EYS: variants seen among roughly 807,000 people sequenced by gnomAD.
EYS encodes the protein protein eyes shut homolog.
Under a neutral mutation model 282.1 loss-of-function variants are expected in EYS, and 250 were observed. That is an observed-to-expected ratio of 0.89 (90% CI 0.80 to 0.98). The LOEUF is 0.98. Ranked by LOEUF, EYS falls within the 50% of genes least tolerant of loss-of-function variation. EYS has a pLI of 0.00. For synonymous variants in EYS, 1,355 were observed against 1,282.9 expected, an observed-to-expected ratio of 1.06 and a Z score of -1.20; for missense variants, 4,016 against 3,709.0, an observed-to-expected ratio of 1.08 and a Z score of -2.15.
At chr6:65,328,640 T>C (rs548878268) in intron 11 of EYS, among the ~76,000 whole-genome samples, 1 of 151,078 alleles carries the variant, frequency 6.6e-6, no homozygotes, top group East Asian at 1.9e-4. Flanking sequence ...TTTTAAAATA[T>C]AAATGGGAAA....
In EYS at chr6:65,061,607, C is replaced by A. The variant is rs1773575387; in HGVS notation, c.2024-3880G>T. 2.0e-5 allele frequency among the ~76,000 whole-genome samples: 3 copies of A among 151,666 alleles called. No individual in the cohort carries two copies. In the South Asian group the frequency reaches 6.2e-4, roughly 31 times the overall value. On this transcript the variant is annotated intron_variant, in intron 12 of 42. Coordinates refer to ENST00000503581, the MANE Select transcript of EYS (RefSeq NM_001142800.2). ...CTAAATAATCATATTTTTTCTTCCTCATGTATTTCTAGGTCTATGTTTCAA... is the reference window on the plus strand; with the variant it reads ...CTAAATAATCATATTTTTTCTTCCTAATGTATTTCTAGGTCTATGTTTCAA...
At chr6:64,752,484 C>T (rs556376132) in intron 22 of EYS, among the ~76,000 whole-genome samples, 1 of 151,980 alleles carries the variant, frequency 6.6e-6, no homozygotes, top group Non-Finnish European at 1.5e-5. Flanking sequence ...AATATAAACA[C>T]TGCATTCAAA....
At chr6:65,517,481 G>A (rs866103524) in intron 2 of EYS, among the ~76,000 whole-genome samples, 3 of 151,808 alleles carry the variant, frequency 2.0e-5, no homozygotes, top group South Asian at 2.1e-4. Flanking sequence ...ATAAAATTAC[G>A]GTTGAAGCAA....
At chr6:64,685,162 A>G (rs1014382899) in intron 22 of EYS, among the ~76,000 whole-genome samples, 1 of 152,178 alleles carries the variant, frequency 6.6e-6, no homozygotes, top group Non-Finnish European at 1.5e-5. Flanking sequence ...AAGATGGGAA[A>G]CATTACCAGA....
intron 14 of EYS, 114 bp downstream of exon 14, chr6:64,997,468 A>G: frequency 2.2e-6 from 2 of 917,446 alleles, no homozygotes; most frequent in South Asian, 5.0e-5. Context: ...AGAAGTAAGC[A>G]TATGTAATAT....
intron 33 of EYS, among the ~76,000 whole-genome samples, chr6:64,002,830 G>A (rs966661967): frequency 5.9e-5 from 9 of 152,122 alleles, no homozygotes; most frequent in African/African-American, 1.4e-4. Flanking sequence ...GAGCCTCTGC[G>A]CCTGGCCTGA....
chr6:65,034,082 G>T (rs1772691827), intron 13 of EYS, among the ~76,000 whole-genome samples: 1 of 152,126 alleles, frequency 6.6e-6, no homozygotes, highest in Non-Finnish European at 1.5e-5. Context: ...TTCCCTGCTG[G>T]GTTTTGAACT....
chr6:63,893,566 G>C (rs887902439), intron 35 of EYS, among the ~76,000 whole-genome samples: 1 of 152,112 alleles, frequency 6.6e-6, no homozygotes, highest in Non-Finnish European at 1.5e-5. Flanking sequence ...TCATGCACCA[G>C]GGCCTGTTGG....
chr6:64,543,239 T>C (rs541306685), intron 26 of EYS, among the ~76,000 whole-genome samples: 4 of 152,228 alleles, frequency 2.6e-5, no homozygotes, highest in African/African-American at 7.2e-5. Flanking sequence ...TTTGACTGCT[T>C]AGGATAATCT....
In EYS at chr6:65,506,272, T is replaced by C. The variant is rs116677080; in HGVS notation, c.-332-10279A>G. 1.9e-3 allele frequency among the ~76,000 whole-genome samples: 289 copies of C among 152,148 alleles called. 1 individual carries two copies. Among genetic ancestry groups the C allele is most frequent in the African/African-American group, 6.7e-3 (280 of 41,550 alleles). On this transcript the variant is annotated intron_variant, in intron 2 of 42. Coordinates refer to ENST00000503581, the MANE Select transcript of EYS (RefSeq NM_001142800.2). Reference sequence around the variant, plus strand: ...TAGGTGGGTCTTGTTTATTTGTTTTTCTCCACTCTGATAAGCAATTTTTTT... The same window carrying C: ...TAGGTGGGTCTTGTTTATTTGTTTTCCTCCACTCTGATAAGCAATTTTTTT...
intron 24 of EYS, among the ~76,000 whole-genome samples, chr6:64,594,443 A>G (rs1332559806): frequency 6.6e-6 from 1 of 152,062 alleles, no homozygotes; most frequent in African/African-American, 2.4e-5. Context: ...TCGCAACCCA[A>G]ATGTCCAACA....
chr6:63,996,528 TTAAAG>T, intron 34 of EYS, among the ~76,000 whole-genome samples: 1 of 152,028 alleles, frequency 6.6e-6, no homozygotes, highest in South Asian at 2.1e-4. Context: ...ATCCCAGAAC[TTAAAG>T]TAAAAAAACA....
intron 26 of EYS, among the ~76,000 whole-genome samples, chr6:64,454,516 T>G (rs1450858405): frequency 1.3e-5 from 2 of 152,302 alleles, no homozygotes; most frequent in Admixed American, 6.5e-5. Context: ...GAGTTTGATC[T>G]GTGCAGGTCC....
In EYS at chr6:65,290,620, A is replaced by T. The variant is rs181077664; in HGVS notation, c.2023+5243T>A. On this transcript the variant is annotated intron_variant, in intron 12 of 42. Transcript: ENST00000503581. ...TTATTTAAAACATTTTAGAGTTTAG[A>T]GTCAGAAATACTTTCCATATCTTTG... Among the ~76,000 whole-genome samples the T allele has an allele frequency of 6.8e-3, 1,031 of 151,444 alleles. 18 individuals carry two copies. The highest frequency in any genetic ancestry group is 0.024 in the African/African-American group (991 of 41,482).
At chr6:65,495,773 A>G in intron 3 of EYS, 86 bp downstream of exon 3, 2 of 320,194 alleles carry the variant, frequency 6.2e-6, no homozygotes, top group South Asian at 6.6e-5. Context: ...AAACATGATC[A>G]AGATATGTTG....
intron 2 of EYS, among the ~76,000 whole-genome samples, chr6:65,585,708 T>G (rs927059663): frequency 6.6e-6 from 1 of 151,940 alleles, no homozygotes; most frequent in African/African-American, 2.4e-5. Flanking sequence ...ACTACATTTA[T>G]GTGACTGTAT....
chr6:65,633,473 C>T (rs1766988075), intron 2 of EYS, among the ~76,000 whole-genome samples: 1 of 152,192 alleles, frequency 6.6e-6, no homozygotes, highest in South Asian at 2.1e-4. Context: ...AATTCTCCCA[C>T]TAATCTGTAG....
At chr6:65,617,697 C>A in intron 2 of EYS, among the ~76,000 whole-genome samples, 1 of 113,786 alleles carries the variant, frequency 8.8e-6, no homozygotes, top group South Asian at 3.6e-4. Flanking sequence ...TGCTATCCCT[C>A]CCCCCTCCCC....
intron 28 of EYS, among the ~76,000 whole-genome samples, chr6:64,420,947 C>T (rs935499342): frequency 1.3e-5 from 2 of 152,124 alleles, no homozygotes; most frequent in African/African-American, 4.8e-5. Flanking sequence ...TCTTCTGAAC[C>T]CTCCAAACTA....
Sources: allele counts gnomAD v4.1 joint callset (sites outside exome capture counted in the v4.1 genomes callset), GRCh38; gene constraint gnomAD v4.1.1; transcripts MANE v1.5; gene names NCBI Gene and HGNC (gene_info 2026-07-23, HGNC 2026-07-21).